Variants in HTT observed in about 807,000 individuals in gnomAD.
HTT encodes huntington disease protein.
A neutral mutation model predicts 362.3 loss-of-function variants in HTT; 104 were observed. The observed-to-expected ratio is 0.29, with a 90% CI of 0.24 to 0.34. HTT has a LOEUF of 0.34. Among genes scored for constraint, HTT ranks in the 10% least tolerant of loss-of-function variants. The pLI, the probability that HTT is intolerant of heterozygous loss-of-function variation, is 1.00. For missense variants in HTT, 3,301 were observed against 3,928.6 expected (o/e 0.84, Z 4.27); for synonymous variants, 1,577 against 1,548.7 (o/e 1.02, Z -0.43).
intron 2 of HTT, among the ~76,000 whole-genome samples, chr4:3,095,289 C>T (rs1001825972): frequency 5.3e-5 from 8 of 152,246 alleles, no homozygotes; most frequent in African/African-American, 9.6e-5. Flanking sequence ...CCTCGGGAGG[C>T]CGAGGCTGGC....
intron 3 of HTT, 107 bp from the exon 4 acceptor site, chr4:3,103,717 T>C (rs937949651): frequency 1.4e-6 from 1 of 702,452 alleles, no homozygotes; most frequent in East Asian, 2.5e-5. Flanking sequence ...ATTTAGTTGC[T>C]ATTATGTTTT....
intron 27 of HTT, 87 bp downstream of exon 27, chr4:3,154,506 G>A (rs978805808): frequency 6.6e-7 from 1 of 1,525,406 alleles, no homozygotes; most frequent in Non-Finnish European, 8.8e-7. Flanking sequence ...GTGTTTTAGA[G>A]AAATAAATAT....
chr4:3,210,954 G>A (rs1720128567), intron 47 of HTT, among the ~76,000 whole-genome samples: 1 of 129,936 alleles, frequency 7.7e-6, no homozygotes, highest in Non-Finnish European at 1.6e-5. Context: ...CCAGGCTGGA[G>A]TGCAATGGCG....
At chr4:3,115,712 A>G (rs1444427581) in intron 7 of HTT, among the ~76,000 whole-genome samples, 2 of 152,170 alleles carry the variant, frequency 1.3e-5, no homozygotes, top group Non-Finnish European at 2.9e-5. Flanking sequence ...TGTGTCGGCC[A>G]TGACTATGGT....
In HTT at chr4:3,207,240, G is replaced by A. The variant is rs756160155; in HGVS notation, c.6076-41G>A. On this transcript the variant is annotated intron_variant, in intron 44 of 66. Coordinates refer to ENST00000355072, the MANE Select transcript of HTT (RefSeq NM_001388492.1). ...AATGAGCATGAGGTTATTTTGGGTT[G>A]TTAGGTGTTACAAACACACTAATGT... 9 of 1,551,710 alleles carry A rather than the reference G, an allele frequency of 5.8e-6. No individual in the cohort carries two copies. The East Asian group carries it at 1.1e-4, about 19-fold the overall frequency.
Position 3,129,965 on chromosome 4 carries a change from T to C in HTT, c.1785T>C (p.Ile595=). ...GTDNQYLGLQ[I]GQPQDEDEEA... ...ACAACCAGTATTTGGGCCTGCAGAT[T>C]GGACAGCCCCAGGATGAAGATGAGG... The change falls in exon 13 of 67, where the codon ATT becomes ATC. Residue 595 remains isoleucine, a synonymous_variant. Transcript: ENST00000355072. The C allele has an allele frequency of 6.2e-7, 1 of 1,614,116 alleles. No individual in the cohort carries two copies. Among genetic ancestry groups the C allele is most frequent in the Non-Finnish European group, 8.5e-7 (1 of 1,179,982 alleles).
intron 29 of HTT, among the ~76,000 whole-genome samples, chr4:3,169,699 G>A (rs983589675): frequency 1.3e-5 from 2 of 151,794 alleles, no homozygotes; most frequent in East Asian, 3.9e-4. Context: ...TCAGCCTCCC[G>A]AGTAGCTGGG....
At chr4:3,112,963 A>G (rs751596784) in intron 6 of HTT, 1 of 799,154 alleles carries the variant, frequency 1.3e-6, no homozygotes, top group Non-Finnish European at 1.5e-6. Flanking sequence ...CTGGAATCAC[A>G]TTATGATTTT....
chr4:3,171,163 T>C (rs755148145), intron 29 of HTT, among the ~76,000 whole-genome samples: 43 of 152,236 alleles, frequency 2.8e-4, no homozygotes, highest in Admixed American at 2.6e-4. Flanking sequence ...GTGTGACAAA[T>C]TCAATTCTGA....
Position 3,090,746 on chromosome 4 carries a change from CAAAATTCT to C in HTT, c.347+3726_347+3733del, listed in dbSNP as rs937180649. On this transcript the variant is annotated intron_variant, in intron 2 of 66. Transcript: ENST00000355072. ...CACAGAAATTTAAAATAATCTTGAT[CAAAATTCT>C]AGTAGAGGTATTTTTGAACTTGTTC... is the stretch of plus-strand genomic sequence containing the variant. Among the ~76,000 whole-genome samples the C allele has an allele frequency of 5.9e-5, 9 of 152,304 alleles. No individual in the cohort carries two copies. In the East Asian group the frequency reaches 9.6e-4, roughly 16 times the overall value.
At chr4:3,168,750 C>T (rs1007765217) in intron 29 of HTT, among the ~76,000 whole-genome samples, 1 of 152,096 alleles carries the variant, frequency 6.6e-6, no homozygotes, top group Non-Finnish European at 1.5e-5. Flanking sequence ...CAGTGGCATG[C>T]GTCTGTGGTC....
At chr4:3,210,208 C>A (rs537558006) in intron 47 of HTT, among the ~76,000 whole-genome samples, 2 of 152,260 alleles carry the variant, frequency 1.3e-5, no homozygotes, top group East Asian at 3.9e-4. Context: ...TTAGAATCCA[C>A]GGAGGTGTTG....
At chr4:3,183,842 C>T (rs775945039) in intron 37 of HTT, among the ~76,000 whole-genome samples, 15 of 152,180 alleles carry the variant, frequency 9.9e-5, no homozygotes, top group Non-Finnish European at 1.5e-4. Flanking sequence ...ATTTATGAAA[C>T]GCTTAGTGCA....
chr4:3,204,854 A>G (rs147575853), intron 42 of HTT, among the ~76,000 whole-genome samples: 69 of 152,170 alleles, frequency 4.5e-4, no homozygotes, highest in Non-Finnish European at 9.4e-4. Context: ...GTGGTGGTGC[A>G]TGCCTGTGGT....
intron 64 of HTT, among the ~76,000 whole-genome samples, chr4:3,237,829 G>A (rs1721611678): frequency 6.6e-6 from 1 of 152,190 alleles, no homozygotes; most frequent in Non-Finnish European, 1.5e-5. Context: ...TGCTCAGGGG[G>A]CGTGTTTCAG....
chr4:3,074,945 A>ACCGCCGCCGCCG lies in HTT; in HGVS notation c.132_143dup (p.Pro46_Pro49dup), dbSNP rs772429544. The ACCGCCGCCGCCG allele has an allele frequency of 3.4e-4, 414 of 1,214,986 alleles. 4 individuals are homozygous for ACCGCCGCCGCCG. Among genetic ancestry groups the ACCGCCGCCGCCG allele is most frequent in the Middle Eastern group, 1.3e-3 (5 of 3,716 alleles). 75.3% of individuals were successfully genotyped at this position (1,214,986 alleles called of 1,614,324 possible). On this transcript the variant is annotated inframe_insertion, in exon 1 of 67. Transcript: ENST00000355072. ...AGCAGCAGCAGCAGCAACAGCCGCCACCGCCGCCGCCGCCGCCGCCGCCTC... is the reference window on the plus strand; with the variant it reads ...AGCAGCAGCAGCAGCAACAGCCGCCACCGCCGCCGCCGCCGCCGCCGCCGCCGCCGCCGCCTC...
intron 53 of HTT, 111 bp downstream of exon 53, chr4:3,220,419 AT>A: frequency 8.9e-7 from 1 of 1,122,004 alleles, no homozygotes; most frequent in South Asian, 1.5e-5. Flanking sequence ...AGATTTAAGC[AT>A]GATAATAATA....
At chr4:3,090,487 G>C (rs1326062707) in intron 2 of HTT, among the ~76,000 whole-genome samples, 1 of 152,062 alleles carries the variant, frequency 6.6e-6, no homozygotes, top group Non-Finnish European at 1.5e-5. Context: ...AAGGTGGCTA[G>C]GTAAACATAA....
In HTT at chr4:3,206,833, G is replaced by A. The variant is rs754361449; in HGVS notation, c.5925G>A (p.Gln1975=). ...STPTMLKKTL[Q]CLEGIHLSQS... is the part of the protein sequence containing the mutation. ...CAACCATGCTGAAGAAAACTCTTCA[G>A]TGCTTGGAGGGGATCCATCTCAGCC... Residue 1975 remains glutamine, a synonymous_variant, in exon 44 of 67, where the codon CAG becomes CAA. Coordinates refer to ENST00000355072, the MANE Select transcript of HTT (RefSeq NM_001388492.1). This position sits in a 1 kb window ranked among gnomAD's most constrained non-coding sequence, Gnocchi z 4.6. 1.2e-6 allele frequency: 2 copies of A among 1,606,610 alleles called. No individual in the cohort carries two copies. Among genetic ancestry groups the A allele is most frequent in the South Asian group, 2.2e-5 (2 of 90,182 alleles).
Sources: gnomAD v4.1 joint callset for allele counts (sites outside exome capture counted in the v4.1 genomes callset) on GRCh38, gnomAD v4.1.1 for gene constraint, Gnocchi (gnomAD v3.1) non-coding constraint, MANE v1.5 for transcripts, NCBI Gene and HGNC (gene_info 2026-07-23, HGNC 2026-07-21) for gene names.